Variants in CCDC40 observed in about 807,000 individuals in gnomAD.
CCDC40 encodes coiled-coil domain-containing protein 40.
A neutral mutation model predicts 124.5 loss-of-function variants in CCDC40; 104 were observed. The observed-to-expected ratio is 0.84, with a 90% CI of 0.71 to 0.98. The LOEUF is 0.98. Ranked by LOEUF, CCDC40 falls within the 50% of genes least tolerant of loss-of-function variation. The pLI is 0.00. For missense variants in CCDC40, 1,463 were observed against 1,503.9 expected (o/e 0.97, Z 0.45); for synonymous variants, 580 against 602.9 (o/e 0.96, Z 0.56).
intron 17 of CCDC40, chr17:80,090,879 T>G: frequency 1.0e-6 from 1 of 957,962 alleles, no homozygotes. Flanking sequence ...AATAAGATGT[T>G]GTGTTTAAAA....
chr17:80,084,584 C>T (rs1324089150), intron 12 of CCDC40, among the ~76,000 whole-genome samples, 159 bp from the exon 13 acceptor site: 2 of 152,160 alleles, frequency 1.3e-5, no homozygotes. Flanking sequence ...CTTGCTGGGT[C>T]CTGGAGACAG....
At chr17:80,082,727 C>G (rs1432717292) in intron 12 of CCDC40, among the ~76,000 whole-genome samples, 1 of 152,154 alleles carries the variant, frequency 6.6e-6, no homozygotes, top group Non-Finnish European at 1.5e-5. Flanking sequence ...CCCATCCAGC[C>G]GTGCTGCTAC....
intron 2 of CCDC40, among the ~76,000 whole-genome samples, chr17:80,038,698 G>A (rs1386089581): frequency 2.1e-5 from 3 of 142,000 alleles, no homozygotes; most frequent in Admixed American, 7.0e-5. Flanking sequence ...GGTGGTTCAC[G>A]CCTGTAGTCC....
chr17:80,078,318 G>A (rs1307313799), intron 10 of CCDC40, among the ~76,000 whole-genome samples: 30 of 138,894 alleles, frequency 2.2e-4, no homozygotes, highest in African/African-American at 4.1e-4. Context: ...GCAACAGAGC[G>A]AGACTCTGTC....
intron 7 of CCDC40, among the ~76,000 whole-genome samples, chr17:80,056,002 A>ATTTTTTTT (rs1397122647): frequency 7.7e-4 from 6 of 7,840 alleles, no homozygotes; most frequent in Non-Finnish European, 1.7e-3. Flanking sequence ...ATATATATAT[A>ATTTTTTTT]TATATATATA....
intron 3 of CCDC40, among the ~76,000 whole-genome samples, chr17:80,046,640 C>T (rs1426679014): frequency 1.3e-5 from 2 of 152,082 alleles, no homozygotes; most frequent in Non-Finnish European, 2.9e-5. Context: ...GGATCTTTTG[C>T]TCCCACATGC....
intron 18 of CCDC40, among the ~76,000 whole-genome samples, chr17:80,096,452 A>G (rs960364111): frequency 6.6e-6 from 1 of 151,044 alleles, no homozygotes; most frequent in Non-Finnish European, 1.5e-5. Context: ...GCCTCTTCTC[A>G]GTCCTTTTCC....
intron 4 of CCDC40, chr17:80,048,322 G>A (rs2037483519): frequency 1.9e-6 from 1 of 524,130 alleles, no homozygotes; most frequent in Non-Finnish European, 3.5e-6. Flanking sequence ...CACTCTTTAT[G>A]TGTAAAGAAA....
intron 10 of CCDC40, among the ~76,000 whole-genome samples, chr17:80,076,189 A>G (rs1273868729): frequency 4.3e-4 from 66 of 152,232 alleles, no homozygotes; most frequent in Non-Finnish European, 2.9e-5. Flanking sequence ...CCTATCAAAC[A>G]GCATCACATA....
Position 80,081,769 on chromosome 17 carries a change from G to C in CCDC40, c.1786G>C (p.Ala596Pro). The change falls in exon 11 of 20, where the codon GCC becomes CCC. Residue 596 changes from alanine (A) to proline (P), a missense_variant. Coordinates refer to ENST00000397545, the MANE Select transcript of CCDC40 (RefSeq NM_017950.4). Reference protein sequence around the residue: ...YRLTLQDTEDALSQDQLEQMI... With the variant: ...YRLTLQDTEDPLSQDQLEQMI... ...GCTCACCCTGCAGGACACAGAGGAT[G>C]CCCTCAGCCAGGACCAGCTGGTGAG... 1 of 1,613,982 alleles carries C rather than the reference G, an allele frequency of 6.2e-7. No homozygotes were observed. Among genetic ancestry groups the C allele is most frequent in the Non-Finnish European group, 8.5e-7 (1 of 1,180,012 alleles).
At chr17:80,083,475 A>G (rs1028765500) in intron 12 of CCDC40, among the ~76,000 whole-genome samples, 1 of 152,126 alleles carries the variant, frequency 6.6e-6, no homozygotes, top group Admixed American at 6.5e-5. Context: ...GGTAGGCAGG[A>G]GCCACAGTCG....
At chr17:80,082,876 A>G (rs936053914) in intron 12 of CCDC40, among the ~76,000 whole-genome samples, 1 of 152,200 alleles carries the variant, frequency 6.6e-6, no homozygotes, top group African/African-American at 2.4e-5. Flanking sequence ...ACATTCGTCT[A>G]TTACGACAAT....
intron 19 of CCDC40, chr17:80,097,829 G>A (rs761447583): frequency 1.8e-5 from 4 of 226,528 alleles, no homozygotes; most frequent in Non-Finnish European, 2.7e-5. Flanking sequence ...GAGCCTGGGA[G>A]GTCGAGACTG....
At chr17:80,092,469 A>T (rs1428340349) in intron 17 of CCDC40, among the ~76,000 whole-genome samples, 2 of 152,172 alleles carry the variant, frequency 1.3e-5, no homozygotes, top group Non-Finnish European at 2.9e-5. Flanking sequence ...GACAGCCACC[A>T]GTCTCTCTCC....
chr17:80,099,199 G>T (rs1313619478), intron 19 of CCDC40, among the ~76,000 whole-genome samples: 1 of 151,960 alleles, frequency 6.6e-6, no homozygotes, highest in Non-Finnish European at 1.5e-5. Context: ...GCTGAGACAG[G>T]ATAATGGCGT....
chr17:80,045,643 G>T (rs1463175008), intron 3 of CCDC40, among the ~76,000 whole-genome samples: 1 of 152,092 alleles, frequency 6.6e-6, no homozygotes, highest in Non-Finnish European at 1.5e-5. Flanking sequence ...GGCGGAGTTT[G>T]CAGTGAGCCG....
Position 80,066,142 on chromosome 17 carries a change from G to A in CCDC40, c.1562+536G>A, listed in dbSNP as rs1036150180. The A allele has an allele frequency of 2.3e-5, 16 of 702,970 alleles. No individual in the cohort carries two copies. The highest frequency in any genetic ancestry group is 8.0e-5 in the East Asian group (3 of 37,274). 43.5% of individuals were successfully genotyped at this position (702,970 alleles called of 1,614,324 possible). On this transcript the variant is annotated intron_variant, in intron 10 of 19. Transcript: ENST00000397545. The surrounding 1 kb of genome is among the most constrained non-coding windows in gnomAD (Gnocchi z 4.4). ...AAACCACCCAGGGTGACCAGGTCTCGGGACGCGGAAAGAAAAAGCCGGGCA... is the reference window on the plus strand; with the variant it reads ...AAACCACCCAGGGTGACCAGGTCTCAGGACGCGGAAAGAAAAAGCCGGGCA...
rs200701665 is a variant in CCDC40, at chr17:80,058,521, A to T, written c.1187A>T (p.Asn396Ile). Residue 396 changes from asparagine (N) to isoleucine (I), a missense_variant, in exon 8 of 20, where the codon AAC becomes ATC. By Grantham distance (149) the Asn-to-Ile change is moderately radical. Transcript: ENST00000397545. The surrounding 1 kb of genome is among the most constrained non-coding windows in gnomAD (Gnocchi z 4.2). ...GCGGCTCTGCAGACTGAGATGGAGAACTTGGCCCTGCATCTCTTCTACATG... is the reference window on the plus strand; with the variant it reads ...GCGGCTCTGCAGACTGAGATGGAGATCTTGGCCCTGCATCTCTTCTACATG... ...KLAALQTEMENLALHLFYMQN... is the reference protein window; with the variant it reads ...KLAALQTEMEILALHLFYMQN... The T allele has an allele frequency of 3.7e-4, 596 of 1,613,984 alleles. 1 individual carries two copies. The highest frequency in any genetic ancestry group is 4.7e-4 in the Non-Finnish European group (559 of 1,180,012).
At position 80,086,410 on chromosome 17, in the gene CCDC40, C is replaced by T. The variant is rs1170363030; in HGVS notation, c.2449+194C>T. ...CCTGCCCAGCTGCCCAGTTCGCAGT[C>T]ACAGCGGGAGGGTTGAGAAATGTCA... is the stretch of plus-strand genomic sequence containing the variant. On this transcript the variant is annotated intron_variant, in intron 14 of 19. Coordinates refer to ENST00000397545, the MANE Select transcript of CCDC40 (RefSeq NM_017950.4). This position sits in a 1 kb window ranked among gnomAD's most constrained non-coding sequence, Gnocchi z 5.5. 1 of 599,486 alleles carries T rather than the reference C, an allele frequency of 1.7e-6. No individual in the cohort carries two copies. The highest frequency in any genetic ancestry group is 1.8e-5 in the African/African-American group (1 of 54,302). 37.1% of individuals were successfully genotyped at this position (599,486 alleles called of 1,614,324 possible). A position where few individuals can be genotyped will look rare whatever the true frequency, so the allele number is the denominator to read the frequency against.
Sources: allele counts gnomAD v4.1 joint callset (sites outside exome capture counted in the v4.1 genomes callset), GRCh38; gene constraint gnomAD v4.1.1; non-coding constraint Gnocchi (gnomAD v3.1); transcripts MANE v1.5; gene names NCBI Gene and HGNC (gene_info 2026-07-23, HGNC 2026-07-21).